ANKRD12: variants seen among roughly 807,000 people sequenced by gnomAD.
ANKRD12 encodes the protein ankyrin repeat domain 12, also known as ankyrin repeat domain-containing protein 12.
ANKRD12 carries 85 observed loss-of-function variants against 183.4 expected under a neutral mutation model. The observed-to-expected ratio is 0.46, with a 90% confidence interval of 0.39 to 0.56. The LOEUF is 0.56. Among genes scored for constraint, ANKRD12 ranks in the 20% least tolerant of loss-of-function variants. The pLI is 0.00. For missense variants in ANKRD12, 2,405 were observed against 2,357.1 expected, an observed-to-expected ratio of 1.02 and a Z score of -0.42; for synonymous variants, 914 against 800.2, an observed-to-expected ratio of 1.14 and a Z score of -2.40.
chr18:9,142,187 C>G (rs945131355), intron 1 of ANKRD12, among the ~76,000 whole-genome samples: 3 of 152,144 alleles, frequency 2.0e-5, no homozygotes, highest in Non-Finnish European at 2.9e-5. Context: ...GAACAAAAAC[C>G]ATTTGTGGCT....
chr18:9,213,159 A>G (rs563154218), intron 6 of ANKRD12, among the ~76,000 whole-genome samples: 3 of 151,828 alleles, frequency 2.0e-5, no homozygotes, highest in East Asian at 1.9e-4. Context: ...AACTATTCCT[A>G]TATTTTCTGT....
At chr18:9,260,072 A>G (rs1271615211) in intron 9 of ANKRD12, 2 of 152,206 alleles carry the variant, frequency 1.3e-5, no homozygotes, top group East Asian at 3.8e-4. Flanking sequence ...TCATTTGTTT[A>G]AAATTTAGTT....
chr18:9,221,510 A>G (rs536636941), intron 7 of ANKRD12, among the ~76,000 whole-genome samples: 4 of 152,210 alleles, frequency 2.6e-5, no homozygotes, highest in Non-Finnish European at 5.9e-5. Context: ...ATTCTTGTTC[A>G]TGGGTTTATT....
intron 9 of ANKRD12, among the ~76,000 whole-genome samples, chr18:9,262,688 C>A (rs915784986): frequency 4.0e-5 from 6 of 151,262 alleles, no homozygotes; most frequent in African/African-American, 1.5e-4. Context: ...TCTCAAACTC[C>A]TGGTCTCAAG....
At chr18:9,162,967 A>G (rs887300156) in intron 1 of ANKRD12, among the ~76,000 whole-genome samples, 1 of 152,160 alleles carries the variant, frequency 6.6e-6, no homozygotes, top group African/African-American at 2.4e-5. Context: ...ACAGATTGCA[A>G]AAATTTTCTC....
At chr18:9,175,427 C>T (rs542021703) in intron 1 of ANKRD12, among the ~76,000 whole-genome samples, 46 of 151,182 alleles carry the variant, frequency 3.0e-4, no homozygotes, top group African/African-American at 1.1e-3. Context: ...CCTGATTCTC[C>T]CTCCTTTTGT....
At chr18:9,277,229 G>T (rs940014690) in intron 11 of ANKRD12, among the ~76,000 whole-genome samples, 2 of 152,044 alleles carry the variant, frequency 1.3e-5, no homozygotes, top group African/African-American at 4.8e-5. Flanking sequence ...GCTAAGGTGG[G>T]AGGATCGATT....
At chr18:9,222,474 T>C (rs2036475093) in intron 8 of ANKRD12, among the ~76,000 whole-genome samples, 1 of 152,010 alleles carries the variant, frequency 6.6e-6, no homozygotes, top group Non-Finnish European at 1.5e-5. Context: ...CTTTCTTTTT[T>C]TTTTTTTTAA....
rs376488989 is a variant in ANKRD12, at chr18:9,256,273, A to G, written c.3006A>G (p.Glu1002=). The part of the protein sequence containing the change: ...AQHEKPLSLK[E]KTKDEPLKTP... Reference sequence around the variant, plus strand: ...ATGAAAAACCCTTATCCCTTAAAGAAAAAACAAAAGATGAACCTTTGAAAA... The same window carrying G: ...ATGAAAAACCCTTATCCCTTAAAGAGAAAACAAAAGATGAACCTTTGAAAA... The change falls in exon 9 of 13, where the codon GAA becomes GAG. Residue 1002 remains glutamate, a synonymous_variant. Coordinates refer to ENST00000262126, the MANE Select transcript of ANKRD12 (RefSeq NM_015208.5). 3 of 1,606,364 alleles carry G rather than the reference A, an allele frequency of 1.9e-6. No homozygotes were observed. The highest frequency in any genetic ancestry group is 2.2e-5 in the East Asian group (1 of 44,658).
Position 9,193,001 on chromosome 18 carries a change from T to C in ANKRD12, c.88-2550T>C, listed in dbSNP as rs374513598. On this transcript the variant is annotated intron_variant, in intron 2 of 12. Transcript: ENST00000262126. The stretch of plus-strand genomic sequence containing the variant: ...ACCCAGCCTGATTTACTGTTTTCTG[T>C]GGTAATTGGTCTGTTCTGGTTTTCC... 7.7e-4 allele frequency among the ~76,000 whole-genome samples: 117 copies of C among 152,220 alleles called. 2 individuals carry two copies. The South Asian group carries it at 0.023, about 30-fold the overall frequency.
intron 1 of ANKRD12, among the ~76,000 whole-genome samples, chr18:9,175,457 G>T (rs546238398): frequency 1.4e-5 from 2 of 143,412 alleles, no homozygotes; most frequent in East Asian, 4.1e-4. Flanking sequence ...GTAGTTTTTC[G>T]TCCACAGAAA....
At chr18:9,158,115 T>C (rs975461776) in intron 1 of ANKRD12, among the ~76,000 whole-genome samples, 1 of 152,168 alleles carries the variant, frequency 6.6e-6, no homozygotes, top group African/African-American at 2.4e-5. Flanking sequence ...TGAGAAACTT[T>C]TTAAAATAAA....
intron 8 of ANKRD12, among the ~76,000 whole-genome samples, chr18:9,223,777 G>GT (rs979918868): frequency 1.8e-4 from 27 of 152,186 alleles, no homozygotes; most frequent in African/African-American, 6.5e-4. Flanking sequence ...GAAACTTTAA[G>GT]TTTTTTCAGC....
intron 1 of ANKRD12, among the ~76,000 whole-genome samples, chr18:9,154,759 A>G (rs2030146896): frequency 6.6e-6 from 1 of 152,194 alleles, no homozygotes; most frequent in Non-Finnish European, 1.5e-5. Context: ...TATATTTTAG[A>G]GATGGAATCA....
intron 2 of ANKRD12, among the ~76,000 whole-genome samples, chr18:9,189,401 A>G (rs139894646): frequency 1.4e-3 from 207 of 152,378 alleles, no homozygotes; most frequent in African/African-American, 4.7e-3. Flanking sequence ...AGCTACAGCA[A>G]GTTATCCAGA....
chr18:9,143,022 T>A (rs1469141736), intron 1 of ANKRD12, among the ~76,000 whole-genome samples: 4 of 152,244 alleles, frequency 2.6e-5, no homozygotes, highest in African/African-American at 9.6e-5. Flanking sequence ...CATTCCAGTG[T>A]TCTATAGTAG....
intron 1 of ANKRD12, among the ~76,000 whole-genome samples, chr18:9,180,785 A>G (rs2033644417): frequency 6.6e-6 from 1 of 152,206 alleles, no homozygotes. Context: ...TTTTCCTTAC[A>G]TAGAATCTAT....
intron 1 of ANKRD12, among the ~76,000 whole-genome samples, chr18:9,149,853 T>C (rs1295861346): frequency 6.6e-6 from 1 of 151,068 alleles, no homozygotes; most frequent in Non-Finnish European, 1.5e-5. Context: ...TGGAGTATAG[T>C]GGTGCAATCT....
chr18:9,259,283 ATATATG>A (rs1457086472), intron 9 of ANKRD12: 1 of 163,656 alleles, frequency 6.1e-6, no homozygotes, highest in Non-Finnish European at 1.3e-5. Context: ...TGTTGACTTT[ATATATG>A]TATACATTTG....
Sources: allele counts gnomAD v4.1 joint callset (sites outside exome capture counted in the v4.1 genomes callset), GRCh38; gene constraint gnomAD v4.1.1; transcripts MANE v1.5; gene names NCBI Gene and HGNC (gene_info 2026-07-23, HGNC 2026-07-21).